LRRTM4: variants seen among roughly 807,000 people sequenced by gnomAD.
LRRTM4 encodes leucine rich repeat transmembrane neuronal 4.
A neutral mutation model predicts 47.6 loss-of-function variants in LRRTM4; 25 were observed. The ratio of observed to expected loss-of-function variants is 0.53; its 90% CI spans 0.38 to 0.73. The LOEUF is 0.73. LRRTM4 is among the 30% of genes least tolerant of loss of function. The pLI, the probability that LRRTM4 is intolerant of heterozygous loss-of-function variation, is 0.00. For missense variants in LRRTM4, 638 were observed against 713.4 expected (o/e 0.89, Z 1.20); for synonymous variants, 311 against 269.5 (o/e 1.15, Z -1.51).
intron 3 of LRRTM4, among the ~76,000 whole-genome samples, chr2:77,241,821 C>T (rs1573127524): frequency 1.3e-5 from 2 of 152,028 alleles, no homozygotes; most frequent in South Asian, 4.1e-4. Flanking sequence ...GATCTTTGGT[C>T]CATTTTTAGT....
chr2:76,888,745 C>G (rs756990307), intron 3 of LRRTM4, among the ~76,000 whole-genome samples: 7 of 151,436 alleles, frequency 4.6e-5, no homozygotes, highest in Non-Finnish European at 1.0e-4. Flanking sequence ...GTATTTTGTT[C>G]TGCACTTTTG....
chr2:77,461,898 A>T (rs1676802696), intron 3 of LRRTM4, among the ~76,000 whole-genome samples: 1 of 152,116 alleles, frequency 6.6e-6, no homozygotes, highest in Non-Finnish European at 1.5e-5. Context: ...GCTTTCTTTT[A>T]GCAAAAACTG....
intron 3 of LRRTM4, among the ~76,000 whole-genome samples, chr2:76,981,181 G>C (rs547358656): frequency 2.6e-5 from 4 of 152,186 alleles, no homozygotes; most frequent in Non-Finnish European, 4.4e-5. Flanking sequence ...AATATTCATT[G>C]ACTTTGTTTT....
chr2:76,826,934 C>G (rs975074951), intron 3 of LRRTM4, among the ~76,000 whole-genome samples: 1 of 151,942 alleles, frequency 6.6e-6, no homozygotes, highest in Non-Finnish European at 1.5e-5. Flanking sequence ...CCATCTCAGA[C>G]AGGCACATTA....
intron 3 of LRRTM4, among the ~76,000 whole-genome samples, chr2:76,874,827 T>C (rs1672733633): frequency 6.6e-6 from 1 of 151,578 alleles, no homozygotes; most frequent in African/African-American, 2.4e-5. Flanking sequence ...CAGTGGCAGT[T>C]GTTTATTTCT....
chr2:77,505,686 A>G (rs577118968), intron 3 of LRRTM4, among the ~76,000 whole-genome samples: 1 of 151,786 alleles, frequency 6.6e-6, no homozygotes, highest in South Asian at 2.1e-4. Context: ...TTATTCTACT[A>G]AAATGAATGC....
At chr2:77,000,358 T>C (rs776986309) in intron 3 of LRRTM4, among the ~76,000 whole-genome samples, 43 of 151,610 alleles carry the variant, frequency 2.8e-4, no homozygotes, top group Non-Finnish European at 5.4e-4. Context: ...ATTACAAAGA[T>C]GCTGATATTT....
intron 3 of LRRTM4, among the ~76,000 whole-genome samples, chr2:77,015,778 G>C (rs1678043828): frequency 3.3e-5 from 5 of 152,262 alleles, no homozygotes. Flanking sequence ...AAATACTGAG[G>C]ACTTGCCGCC....
chr2:77,433,877 C>G (rs775133209), intron 3 of LRRTM4, among the ~76,000 whole-genome samples: 15 of 152,246 alleles, frequency 9.9e-5, no homozygotes, highest in Middle Eastern at 3.4e-3. Context: ...AGAATTAATT[C>G]TGTTTAGGAA....
chr2:77,434,619 T>A (rs950585227), intron 3 of LRRTM4, among the ~76,000 whole-genome samples: 3 of 152,182 alleles, frequency 2.0e-5, no homozygotes, highest in South Asian at 2.1e-4. Context: ...AAAATTAACA[T>A]AATAGCTGTA....
chr2:76,905,071 A>C lies in LRRTM4; in HGVS notation c.1552-156155T>G, dbSNP rs1451427330. Among the ~76,000 whole-genome samples, 3 of 152,106 alleles carry C rather than the reference A, an allele frequency of 2.0e-5. No individual in the cohort carries two copies. In the East Asian group the frequency reaches 5.8e-4, roughly 29 times the overall value. ...CAAGTGGGTCTCTGACCCCCTGACC[A>C]CTGAGCAGCCTAACTAGGAGGCACC... On this transcript the variant is annotated intron_variant, in intron 3 of 3. Coordinates refer to ENST00000409884, the MANE Select transcript of LRRTM4 (RefSeq NM_001134745.3).
chr2:77,423,349 GA>G (rs5832279), intron 3 of LRRTM4, among the ~76,000 whole-genome samples: 53,573 of 151,642 alleles, frequency 0.35, 9,550 homozygotes, highest in African/African-American at 0.37. Context: ...TTAAATAACT[GA>G]ATATAAGGTC....
intron 3 of LRRTM4, among the ~76,000 whole-genome samples, chr2:77,196,821 T>C (rs2103890826): frequency 6.6e-6 from 1 of 152,302 alleles, no homozygotes; most frequent in East Asian, 1.9e-4. Context: ...TTGTGTTTAG[T>C]ACCAAGAACA....
intron 3 of LRRTM4, among the ~76,000 whole-genome samples, chr2:77,047,469 A>C (rs1378420059): frequency 6.6e-6 from 1 of 151,962 alleles, no homozygotes; most frequent in African/African-American, 2.4e-5. Flanking sequence ...AGCTGTGAGG[A>C]AGAAGCTGTT....
intron 3 of LRRTM4, among the ~76,000 whole-genome samples, chr2:77,409,253 C>T (rs1373001738): frequency 1.3e-5 from 2 of 152,058 alleles, no homozygotes; most frequent in Non-Finnish European, 2.9e-5. Flanking sequence ...ATCTGTGCTG[C>T]TCTAACAGAA....
At chr2:76,940,075 G>A (rs371872310) in intron 3 of LRRTM4, among the ~76,000 whole-genome samples, 2 of 152,120 alleles carry the variant, frequency 1.3e-5, no homozygotes, top group Non-Finnish European at 2.9e-5. Flanking sequence ...GTGGAAAACA[G>A]TGTGTCCACT....
At chr2:76,792,172 C>A (rs1473434696) in intron 3 of LRRTM4, among the ~76,000 whole-genome samples, 1 of 152,082 alleles carries the variant, frequency 6.6e-6, no homozygotes, top group East Asian at 1.9e-4. Context: ...CGATCATATA[C>A]ATGGCTTTTG....
intron 3 of LRRTM4, among the ~76,000 whole-genome samples, chr2:76,943,651 T>C (rs1405328558): frequency 6.6e-6 from 1 of 152,164 alleles, no homozygotes; most frequent in Non-Finnish European, 1.5e-5. Flanking sequence ...CTATATCCTA[T>C]TGCCTTTTGA....
In LRRTM4 at chr2:77,066,169, T is replaced by C. The variant is rs1403866203; in HGVS notation, c.1552-317253A>G. 2.0e-5 allele frequency among the ~76,000 whole-genome samples: 3 copies of C among 152,300 alleles called. No homozygotes were observed. The East Asian group carries it at 5.8e-4, about 29-fold the overall frequency. On this transcript the variant is annotated intron_variant, in intron 3 of 3. Transcript: ENST00000409884. The stretch of plus-strand genomic sequence containing the variant: ...CTGGTGAGGAGCTCAGATACTGAGT[T>C]AGATTGCTTATTATAAATTCCTGGT...
Sources: allele counts gnomAD v4.1 joint callset (sites outside exome capture counted in the v4.1 genomes callset), GRCh38; gene constraint gnomAD v4.1.1; transcripts MANE v1.5; gene names NCBI Gene and HGNC (gene_info 2026-07-23, HGNC 2026-07-21).